The following ARFGEF1 variants were observed in gnomAD, a reference collection of about 807,000 sequenced individuals.
ARFGEF1 encodes the protein ARF guanine nucleotide exchange factor 1, also known as brefeldin A-inhibited guanine nucleotide-exchange protein 1.
Under a neutral mutation model 231.0 loss-of-function variants are expected in ARFGEF1, and 42 were observed. The ratio of observed to expected loss-of-function variants is 0.18; its 90% CI spans 0.14 to 0.24. The LOEUF is 0.24. ARFGEF1 is among the 10% of genes least tolerant of loss of function. ARFGEF1 has a pLI of 1.00. For missense variants in ARFGEF1, 1,345 were observed against 2,192.0 expected, an observed-to-expected ratio of 0.61 and a Z score of 7.72; for synonymous variants, 710 against 732.3, an observed-to-expected ratio of 0.97 and a Z score of 0.49.
chr8:67,227,576 T>C lies in ARFGEF1; in HGVS notation c.3614A>G (p.Asp1205Gly). ...FNKVGCNPNEDVAIFAVDSLR... is the reference protein window; with the variant it reads ...FNKVGCNPNEGVAIFAVDSLR... ...GGAGTCTACTGCAAAAATAGCTACA[T>C]CTTCATTAGGATTACACCCAACCTG... Residue 1205 changes from aspartate (D) to glycine (G), a missense_variant, in exon 26 of 39, where the codon GAT (aspartate) becomes GGT (glycine). By Grantham distance (94) the Asp-to-Gly change is moderately conservative. Around this residue, in one of 14 missense-constraint regions of ARFGEF1, gnomAD observed 146 missense variants for 321.4 expected, o/e 0.45. Coordinates refer to ENST00000262215, the MANE Select transcript of ARFGEF1 (RefSeq NM_006421.5). The C allele has an allele frequency of 6.2e-7, 1 of 1,612,888 alleles. No homozygotes were observed. Among genetic ancestry groups the C allele is most frequent in the Non-Finnish European group, 8.5e-7 (1 of 1,179,154 alleles).
Position 67,277,420 on chromosome 8 carries a change from A to G in ARFGEF1, c.1065T>C (p.Asp355=). 1 of 1,613,748 alleles carries G rather than the reference A, an allele frequency of 6.2e-7. No individual in the cohort carries two copies. The highest frequency in any genetic ancestry group is 1.7e-4 in the Middle Eastern group (1 of 6,054). The part of the protein sequence containing the change: ...GEGTTINASA[D]GNIGTIEDGS... ...CATCCTCTATAGTTCCAATGTTGCC[A>G]TCTGCACTTGCATTTATAGTAGTCC... Residue 355 remains aspartate, a synonymous_variant, in exon 8 of 39, where the codon GAT becomes GAC. Coordinates refer to ENST00000262215, the MANE Select transcript of ARFGEF1 (RefSeq NM_006421.5).
At chr8:67,282,880 T>C (rs996134536) in intron 7 of ARFGEF1, among the ~76,000 whole-genome samples, 3 of 141,746 alleles carry the variant, frequency 2.1e-5, no homozygotes, top group Non-Finnish European at 3.1e-5. Context: ...AAAAAGAAAA[T>C]AATATAAGCA....
intron 1 of ARFGEF1, among the ~76,000 whole-genome samples, chr8:67,334,736 A>C (rs1808264197): frequency 6.6e-6 from 1 of 152,226 alleles, no homozygotes; most frequent in Admixed American, 6.5e-5. Context: ...ATAAAAGGAA[A>C]TGAAGTGTGG....
chr8:67,232,004 T>G (rs570331180), intron 23 of ARFGEF1, among the ~76,000 whole-genome samples: 1 of 152,058 alleles, frequency 6.6e-6, no homozygotes, highest in South Asian at 2.1e-4. Flanking sequence ...AAGTAGACAT[T>G]AAGAATTCAA....
At chr8:67,290,973 A>C (rs1454312677) in intron 6 of ARFGEF1, among the ~76,000 whole-genome samples, 1 of 152,168 alleles carries the variant, frequency 6.6e-6, no homozygotes, top group Non-Finnish European at 1.5e-5. Context: ...AAAAAAAAAA[A>C]ATCAAGAGCT....
At chr8:67,245,496 CTTGT>C (rs926049114) in intron 19 of ARFGEF1, among the ~76,000 whole-genome samples, 9 of 150,190 alleles carry the variant, frequency 6.0e-5, no homozygotes, top group Admixed American at 4.7e-4. Flanking sequence ...TTTATTTTTG[CTTGT>C]TTATTTGTTT....
intron 5 of ARFGEF1, among the ~76,000 whole-genome samples, chr8:67,295,969 T>A (rs1198389287): frequency 6.6e-6 from 1 of 152,216 alleles, no homozygotes; most frequent in Non-Finnish European, 1.5e-5. Flanking sequence ...TGCTGATCTC[T>A]TAACAATCAA....
At chr8:67,317,898 CAAAAAA>C (rs951058819) in intron 1 of ARFGEF1, among the ~76,000 whole-genome samples, 1 of 54,868 alleles carries the variant, frequency 1.8e-5, no homozygotes, top group Non-Finnish European at 3.8e-5. Context: ...GACTCTGTCT[CAAAAAA>C]AAAAAAAAAA....
chr8:67,340,378 G>A (rs1808572050), intron 1 of ARFGEF1, among the ~76,000 whole-genome samples: 1 of 152,134 alleles, frequency 6.6e-6, no homozygotes, highest in Non-Finnish European at 1.5e-5. Flanking sequence ...AGAACCGAGA[G>A]GACTAAATCA....
intron 33 of ARFGEF1, among the ~76,000 whole-genome samples, chr8:67,212,861 C>A (rs778162896): frequency 1.3e-5 from 2 of 152,112 alleles, no homozygotes; most frequent in Non-Finnish European, 2.9e-5. Context: ...TGGTCACGGG[C>A]CCTCTTGAAC....
At chr8:67,342,620 G>C (rs1371709673) in intron 1 of ARFGEF1, among the ~76,000 whole-genome samples, 1 of 152,082 alleles carries the variant, frequency 6.6e-6, no homozygotes, top group Non-Finnish European at 1.5e-5. Context: ...GGCGGAGGCG[G>C]AGAGATGTCA....
chr8:67,248,107 A>G (rs1441907294), intron 19 of ARFGEF1, among the ~76,000 whole-genome samples: 1 of 149,936 alleles, frequency 6.7e-6, no homozygotes, highest in African/African-American at 2.5e-5. Flanking sequence ...ATAGAATACC[A>G]TGACATTCTT....
chr8:67,291,936 A>G lies in ARFGEF1; in HGVS notation c.827T>C (p.Leu276Pro). ...ATTTTCAGGCTCTGTGTCATCCTGA[A>G]GACTTTTATCTACATCATTTGTATG... ...DLHTNDVDKS[L>P]QDDTEPENGS... Residue 276 changes from leucine to proline, a missense_variant, in exon 6 of 39, where the codon CTT (leucine) becomes CCT (proline). Transcript: ENST00000262215. The G allele has an allele frequency of 6.2e-7, 1 of 1,613,958 alleles. No homozygotes were observed. The highest frequency in any genetic ancestry group is 8.5e-7 in the Non-Finnish European group (1 of 1,179,902).
At chr8:67,333,060 A>G (rs1344076022) in intron 1 of ARFGEF1, among the ~76,000 whole-genome samples, 4 of 150,190 alleles carry the variant, frequency 2.7e-5, no homozygotes, top group East Asian at 3.9e-4. Flanking sequence ...TTTTTTGACA[A>G]GAGTCTCACT....
At chr8:67,307,967 G>A (rs2128919693) in intron 1 of ARFGEF1, among the ~76,000 whole-genome samples, 1 of 152,288 alleles carries the variant, frequency 6.6e-6, no homozygotes, top group Non-Finnish European at 1.5e-5. Context: ...GGCTTTCCAG[G>A]CACCCCCTCT....
At chr8:67,211,665 G>A (rs932655404) in intron 33 of ARFGEF1, 50 bp from the exon 34 acceptor site, 2 of 1,169,622 alleles carry the variant, frequency 1.7e-6, no homozygotes, top group South Asian at 2.3e-5. Flanking sequence ...AAAGTTTATG[G>A]GTGAAAATAT....
rs758024350 is a variant in ARFGEF1, at chr8:67,343,168, C to G, written c.120G>C (p.Ala40=). The G allele has an allele frequency of 7.6e-6, 12 of 1,573,358 alleles. No homozygotes were observed. The East Asian group carries it at 2.8e-4, about 37-fold the overall frequency. Residue 40 remains alanine, a synonymous_variant, in exon 1 of 39, where the codon GCG becomes GCC. Transcript: ENST00000262215. ...HSQLRKACEV[A]LEEIKAETEK... Reference sequence around the variant, plus strand: ...CCGGGCCTCCTCCCCGCTCACCTAACGCCACCTCGCAAGCTTTGCGCAGCT... The same window carrying G: ...CCGGGCCTCCTCCCCGCTCACCTAAGGCCACCTCGCAAGCTTTGCGCAGCT...
At chr8:67,246,339 T>C (rs1007359013) in intron 19 of ARFGEF1, among the ~76,000 whole-genome samples, 12 of 150,638 alleles carry the variant, frequency 8.0e-5, no homozygotes, top group Non-Finnish European at 1.5e-4. Flanking sequence ...TGGATCATTC[T>C]AGAGGATAGA....
intron 3 of ARFGEF1, among the ~76,000 whole-genome samples, chr8:67,300,178 G>A (rs1040918291): frequency 4.6e-5 from 7 of 152,064 alleles, no homozygotes; most frequent in Non-Finnish European, 7.4e-5. Context: ...CTGGAAGGAA[G>A]GCTTTACATA....
Sources: gnomAD v4.1 joint callset for allele counts (sites outside exome capture counted in the v4.1 genomes callset) on GRCh38, gnomAD v4.1.1 for gene constraint, gnomAD v4.1.1 regional missense constraint, MANE v1.5 for transcripts, NCBI Gene and HGNC (gene_info 2026-07-23, HGNC 2026-07-21) for gene names.